SLC14A2: variants seen among roughly 807,000 people sequenced by gnomAD.
SLC14A2 encodes urea transporter 2.
A neutral mutation model predicts 104.6 loss-of-function variants in SLC14A2; 91 were observed. That is an observed-to-expected ratio of 0.87 (90% confidence interval 0.73 to 1.04). The LOEUF (loss-of-function observed/expected upper bound fraction) is 1.04, where lower values mean the gene tolerates loss of function less well. SLC14A2 is among the 50% of genes least tolerant of loss of function. The probability of loss-of-function intolerance (pLI) is 0.00; values close to 1 mark genes in which losing one functional copy is unlikely to be tolerated. For synonymous variants in SLC14A2, 476 were observed against 466.4 expected (o/e 1.02, Z -0.27); for missense variants, 1,189 against 1,156.0 (o/e 1.03, Z -0.41).
At chr18:45,598,947 G>C (rs1442168351) in intron 2 of SLC14A2, among the ~76,000 whole-genome samples, 2 of 152,196 alleles carry the variant, frequency 1.3e-5, no homozygotes, top group African/African-American at 2.4e-5. Context: ...TATTAAACTC[G>C]TTTTCTCTTT....
chr18:45,554,383 A>G (rs998067042), intron 2 of SLC14A2, among the ~76,000 whole-genome samples: 1 of 152,216 alleles, frequency 6.6e-6, no homozygotes, highest in Non-Finnish European at 1.5e-5. Flanking sequence ...CCTAATGCCA[A>G]TTAGCTCAGT....
At chr18:45,352,053 C>T (rs938246556) in intron 1 of SLC14A2, among the ~76,000 whole-genome samples, 3 of 152,152 alleles carry the variant, frequency 2.0e-5, no homozygotes, top group Non-Finnish European at 4.4e-5. Context: ...ATGAGGAAGT[C>T]GTGGACAGGG....
At chr18:45,363,495 G>A (rs1458940401) in intron 1 of SLC14A2, among the ~76,000 whole-genome samples, 1 of 152,142 alleles carries the variant, frequency 6.6e-6, no homozygotes, top group Non-Finnish European at 1.5e-5. Flanking sequence ...AAAAAGCTTA[G>A]CCTCCTGACT....
intron 16 of SLC14A2, 71 bp downstream of exon 16, chr18:45,669,569 C>T: frequency 8.3e-7 from 1 of 1,203,218 alleles, no homozygotes; most frequent in Non-Finnish European, 1.2e-6. Context: ...ATATTTTGCA[C>T]ATCAGAAACA....
At chr18:45,171,054 TG>T in the SLC14A2 span, among the ~76,000 whole-genome samples, 1 of 152,066 alleles carries the variant, frequency 6.6e-6, no homozygotes, top group Non-Finnish European at 1.5e-5. Flanking sequence ...CTATAGGATC[TG>T]GGGAAAAGAA....
chr18:45,431,329 A>G (rs1256623891), intron 1 of SLC14A2, among the ~76,000 whole-genome samples: 1 of 152,058 alleles, frequency 6.6e-6, no homozygotes, highest in Non-Finnish European at 1.5e-5. Context: ...GTGTGTGTGC[A>G]TTGTCTGATT....
At chr18:45,363,854 G>A (rs564135300) in intron 1 of SLC14A2, among the ~76,000 whole-genome samples, 10 of 152,106 alleles carry the variant, frequency 6.6e-5, no homozygotes, top group Non-Finnish European at 1.5e-4. Context: ...CACCTCCTCA[G>A]GCCTCACTTC....
the SLC14A2 span, among the ~76,000 whole-genome samples, chr18:45,185,948 C>T: frequency 1.2e-4 from 19 of 152,044 alleles, no homozygotes; most frequent in Non-Finnish European, 2.4e-4. Flanking sequence ...AAGAAAACCA[C>T]AGAATATTGC....
At chr18:45,658,832 G>A (rs7239089) in intron 10 of SLC14A2, among the ~76,000 whole-genome samples, 6,494 of 151,968 alleles carry the variant, frequency 0.043, 437 homozygotes, top group African/African-American at 0.15. Context: ...TGAGTTAGAG[G>A]CATGAGTCCT....
At chr18:45,443,573 G>T (rs751624446) in intron 1 of SLC14A2, among the ~76,000 whole-genome samples, 6 of 152,140 alleles carry the variant, frequency 3.9e-5, no homozygotes, top group Non-Finnish European at 7.3e-5. Flanking sequence ...CAGAAAGGCA[G>T]TGGGGGTGGG....
intron 1 of SLC14A2, among the ~76,000 whole-genome samples, chr18:45,224,435 C>A (rs1007970227): frequency 3.3e-5 from 5 of 152,188 alleles, no homozygotes; most frequent in Non-Finnish European, 5.9e-5. Context: ...CAGGTCAGGG[C>A]AGATGGGTGA....
In SLC14A2 at chr18:45,677,113, C is replaced by T. The variant is rs559048832; in HGVS notation, c.2513-1862C>T. Among the ~76,000 whole-genome samples, 64 of 152,364 alleles carry T rather than the reference C, an allele frequency of 4.2e-4. 1 individual carries two copies. The East Asian group carries it at 7.7e-3, about 18-fold the overall frequency. ...CCCAGGCAGGCCGCATGTCTCATTTCGTCTTCTTTCTTCTATCCTTCCTCC... is the reference window on the plus strand; with the variant it reads ...CCCAGGCAGGCCGCATGTCTCATTTTGTCTTCTTTCTTCTATCCTTCCTCC... On this transcript the variant is annotated intron_variant, in intron 18 of 19. Coordinates refer to ENST00000255226, the MANE Select transcript of SLC14A2 (RefSeq NM_007163.4).
chr18:45,232,595 G>A (rs1403711919), intron 1 of SLC14A2, among the ~76,000 whole-genome samples: 2 of 152,184 alleles, frequency 1.3e-5, no homozygotes, highest in East Asian at 3.8e-4. Context: ...CAACTTTGAA[G>A]ATTCATTTGT....
intron 2 of SLC14A2, among the ~76,000 whole-genome samples, chr18:45,530,427 G>A (rs1257730764): frequency 3.9e-5 from 6 of 152,030 alleles, no homozygotes; most frequent in Non-Finnish European, 7.4e-5. Context: ...AAATATCCTT[G>A]TATTTCTGTG....
intron 3 of SLC14A2, 35 bp downstream of exon 3, chr18:45,625,898 AG>A: frequency 7.2e-7 from 1 of 1,383,174 alleles, no homozygotes; most frequent in Non-Finnish European, 9.4e-7. Flanking sequence ...CAGCCAGACC[AG>A]GCCAGGCCAG....
At chr18:45,477,823 T>G (rs1327051378) in intron 1 of SLC14A2, among the ~76,000 whole-genome samples, 1 of 152,162 alleles carries the variant, frequency 6.6e-6, no homozygotes, top group Non-Finnish European at 1.5e-5. Context: ...TAATGGCGGA[T>G]GCCCTTACCC....
intron 2 of SLC14A2, among the ~76,000 whole-genome samples, chr18:45,594,360 C>T (rs564514928): frequency 6.6e-6 from 1 of 152,302 alleles, no homozygotes; most frequent in Admixed American, 6.5e-5. Flanking sequence ...GGAATCAGGG[C>T]ATGGAGTCTG....
intron 1 of SLC14A2, among the ~76,000 whole-genome samples, chr18:45,446,007 C>T (rs959003854): frequency 2.0e-5 from 3 of 152,280 alleles, no homozygotes; most frequent in Non-Finnish European, 4.4e-5. Context: ...TTTGGAGTCA[C>T]TGGGTTCTAA....
At position 45,665,766 on chromosome 18, in the gene SLC14A2, C is replaced by T. The variant is rs182482785; in HGVS notation, c.1475-371C>T. Reference sequence around the variant, plus strand: ...GAACAGGAGAAAGAACCCTGGATTCCGGGATCAAGCACAAGTCACTGTCTC... The same window carrying T: ...GAACAGGAGAAAGAACCCTGGATTCTGGGATCAAGCACAAGTCACTGTCTC... On this transcript the variant is annotated intron_variant, in intron 11 of 19. Transcript: ENST00000255226. Among the ~76,000 whole-genome samples the T allele has an allele frequency of 2.8e-4, 38 of 134,072 alleles. 1 individual carries two copies. The highest frequency in any genetic ancestry group is 1.2e-3 in the South Asian group (5 of 4,186). 88.0% of individuals were successfully genotyped at this position (134,072 alleles called of 152,430 possible).
Sources: gnomAD v4.1 joint callset for allele counts (sites outside exome capture counted in the v4.1 genomes callset) on GRCh38, gnomAD v4.1.1 for gene constraint, MANE v1.5 for transcripts, NCBI Gene and HGNC (gene_info 2026-07-23, HGNC 2026-07-21) for gene names.